The following LRRC69 variants were observed in gnomAD, a reference collection of about 807,000 sequenced individuals.
The protein encoded by LRRC69 is leucine rich repeat containing 69.
LRRC69 carries 42 observed loss-of-function variants against 37.8 expected under a neutral mutation model. The ratio of observed to expected loss-of-function variants is 1.11; its 90% confidence interval spans 0.87 to 1.44. The LOEUF (loss-of-function observed/expected upper bound fraction) is 1.44. Ranked by LOEUF, LRRC69 falls within the 40% of genes most tolerant of loss-of-function variation. The pLI is 0.00. For synonymous variants in LRRC69, 141 were observed against 143.1 expected (o/e 0.99, Z 0.11); for missense variants, 357 against 401.9 (o/e 0.89, Z 0.96).
intron 5 of LRRC69, among the ~76,000 whole-genome samples, chr8:91,146,239 A>C (rs1031814127): frequency 6.6e-6 from 1 of 151,656 alleles, no homozygotes; most frequent in African/African-American, 2.4e-5. Flanking sequence ...GTAATTCAGG[A>C]GATAAAGGGG....
intron 7 of LRRC69, chr8:91,209,499 G>C (rs1190764047): frequency 6.6e-6 from 1 of 152,138 alleles, no homozygotes; most frequent in Non-Finnish European, 1.5e-5. Flanking sequence ...CGGAAGTGAA[G>C]CCAGCAAGTC....
intron 6 of LRRC69, among the ~76,000 whole-genome samples, chr8:91,196,522 T>A (rs1279050271): frequency 3.9e-5 from 6 of 152,182 alleles, no homozygotes; most frequent in Admixed American, 3.9e-4. Flanking sequence ...AGTCCCATAT[T>A]TCTTGGAGGG....
chr8:91,121,830 A>C lies in LRRC69; in HGVS notation c.184-2663A>C, dbSNP rs141943899. On this transcript the variant is annotated intron_variant, in intron 1 of 7. Transcript: ENST00000448384. ...TTTAAGAGATATGTATTCACTTAGA[A>C]TATGTGCAGTTTAGACTGCATTTTT... is the stretch of plus-strand genomic sequence containing the variant. Among the ~76,000 whole-genome samples, 135 of 152,210 alleles carry C rather than the reference A, an allele frequency of 8.9e-4. 1 individual carries two copies. The highest frequency in any genetic ancestry group is 3.1e-3 in the African/African-American group (130 of 41,590).
intron 6 of LRRC69, among the ~76,000 whole-genome samples, chr8:91,191,573 C>A (rs917331807): frequency 6.6e-6 from 1 of 152,070 alleles, no homozygotes. Flanking sequence ...GGGACAATGA[C>A]GCCAACTTAA....
intron 1 of LRRC69, among the ~76,000 whole-genome samples, chr8:91,106,121 A>G (rs192534802): frequency 6.6e-6 from 1 of 152,190 alleles, no homozygotes; most frequent in East Asian, 1.9e-4. Flanking sequence ...GTCAAAATTC[A>G]GTGATTATAA....
chr8:91,214,638 G>A (rs1019948147), intron 7 of LRRC69, among the ~76,000 whole-genome samples: 11 of 152,108 alleles, frequency 7.2e-5, no homozygotes, highest in African/African-American at 2.7e-4. Context: ...TTTGGACAAT[G>A]AAGGGATTAG....
intron 7 of LRRC69, chr8:91,209,420 A>C (rs917069418): frequency 6.7e-6 from 1 of 149,046 alleles, no homozygotes; most frequent in Non-Finnish European, 1.5e-5. Flanking sequence ...CCTGGCAACA[A>C]GAGTGAAACT....
chr8:91,163,163 A>G (rs1252126371), intron 5 of LRRC69, among the ~76,000 whole-genome samples: 1 of 151,336 alleles, frequency 6.6e-6, no homozygotes, highest in African/African-American at 2.4e-5. Flanking sequence ...AACTCAGTCA[A>G]AGTAGCCTCT....
chr8:91,171,339 C>T (rs7821050), intron 5 of LRRC69, among the ~76,000 whole-genome samples: 102,980 of 151,600 alleles, frequency 0.68, 35,527 homozygotes, highest in Middle Eastern at 0.74. Context: ...AGTTGAGCTT[C>T]GGAGGATCAT....
chr8:91,157,608 G>A lies in LRRC69; in HGVS notation c.651+21869G>A, dbSNP rs750865550. 17 of 1,556,482 alleles carry A rather than the reference G, an allele frequency of 1.1e-5. No homozygotes were observed. The Middle Eastern group carries it at 5.2e-4, about 47-fold the overall frequency. The stretch of plus-strand genomic sequence containing the variant: ...CAACTGCACCTGATCAGGTGGATAA[G>A]GCAGATGAAGACTTTCAGGAATCTA... On this transcript the variant is annotated intron_variant, in intron 5 of 7. Coordinates refer to ENST00000448384, the Ensembl canonical transcript of LRRC69.
At position 91,127,071 on chromosome 8, in the gene LRRC69, A is replaced by C. The variant is rs1813729870; in HGVS notation, c.311-17A>C. On this transcript the variant is annotated splice_polypyrimidine_tract_variant and intron_variant, in intron 2 of 7. Coordinates refer to ENST00000448384, the Ensembl canonical transcript of LRRC69. ...ATCTAACAGATGGCTAAAGTGACTA[A>C]AATTATTTTCTAACAGATGGCTTAC... 6.5e-7 allele frequency: 1 copy of C among 1,537,894 alleles called. No homozygotes were observed. Among genetic ancestry groups the C allele is most frequent in the South Asian group, 1.2e-5 (1 of 83,384 alleles).
intron 2 of LRRC69, among the ~76,000 whole-genome samples, chr8:91,126,345 G>A (rs929030388): frequency 6.6e-6 from 1 of 151,970 alleles, no homozygotes; most frequent in Non-Finnish European, 1.5e-5. Context: ...TGGCCCATGG[G>A]CTGAAGCTGG....
intron 6 of LRRC69, among the ~76,000 whole-genome samples, chr8:91,195,382 C>T (rs1200759070): frequency 1.3e-5 from 2 of 151,380 alleles, no homozygotes; most frequent in African/African-American, 2.4e-5. Context: ...GAGCTGAGTT[C>T]AATTCCTGGG....
At chr8:91,131,289 G>T (rs1182123068) in intron 3 of LRRC69, among the ~76,000 whole-genome samples, 1 of 148,932 alleles carries the variant, frequency 6.7e-6, no homozygotes, top group Non-Finnish European at 1.5e-5. Context: ...TTCCAGGCTG[G>T]TCTTACACTC....
At chr8:91,190,243 C>A (rs1435777005) in intron 6 of LRRC69, among the ~76,000 whole-genome samples, 1 of 151,016 alleles carries the variant, frequency 6.6e-6, no homozygotes, top group Admixed American at 6.6e-5. Flanking sequence ...CAGGAAACAT[C>A]CAGTCTTGTC....
chr8:91,158,011 T>C, intron 5 of LRRC69: 1 of 1,322,262 alleles, frequency 7.6e-7, no homozygotes, highest in Non-Finnish European at 1.1e-6. Context: ...TACAACTTCA[T>C]GCAGATGTTG....
At position 91,125,034 on chromosome 8, in the gene LRRC69, AT is replaced by A. The variant is rs568939009; in HGVS notation, c.310+418del. Among the ~76,000 whole-genome samples, 30 of 152,004 alleles carry A rather than the reference AT, an allele frequency of 2.0e-4. No individual in the cohort carries two copies. In the South Asian group the frequency reaches 6.0e-3, roughly 30 times the overall value. Reference sequence around the variant, plus strand: ...TGATCAAGATGCTAAACTTAAATCAATTTGGGGAGAATTTTAAAGAAAAGAT... The same window carrying A: ...TGATCAAGATGCTAAACTTAAATCAATTGGGGAGAATTTTAAAGAAAAGAT... On this transcript the variant is annotated intron_variant, in intron 2 of 7. Coordinates refer to ENST00000448384, the Ensembl canonical transcript of LRRC69.
chr8:91,115,194 T>C (rs1220021667), intron 1 of LRRC69, among the ~76,000 whole-genome samples: 1 of 151,830 alleles, frequency 6.6e-6, no homozygotes, highest in Non-Finnish European at 1.5e-5. Flanking sequence ...TCTGAAGTGT[T>C]CTGATCATAC....
chr8:91,203,027 A>G (rs1191397866), intron 7 of LRRC69, among the ~76,000 whole-genome samples: 1 of 151,856 alleles, frequency 6.6e-6, no homozygotes, highest in East Asian at 1.9e-4. Flanking sequence ...TTTTTTTATT[A>G]CTAAAATAGG....
Sources: allele counts gnomAD v4.1 joint callset (sites outside exome capture counted in the v4.1 genomes callset), GRCh38; gene constraint gnomAD v4.1.1; transcripts MANE v1.5; gene names NCBI Gene and HGNC (gene_info 2026-07-23, HGNC 2026-07-21).